Variants in SASH1 observed in about 807,000 individuals in gnomAD.
SASH1 encodes SAM and SH3 domain-containing protein 1.
Under a neutral mutation model 125.2 loss-of-function variants are expected in SASH1, and 44 were observed. The observed-to-expected ratio is 0.35, with a 90% CI of 0.28 to 0.45. The LOEUF (loss-of-function observed/expected upper bound fraction) is 0.45. Ranked by LOEUF, SASH1 falls within the 20% of genes least tolerant of loss-of-function variation. SASH1 has a pLI of 1.00. For synonymous variants in SASH1, 639 were observed against 649.1 expected, an observed-to-expected ratio of 0.98 and a Z score of 0.24; for missense variants, 1,426 against 1,614.5, an observed-to-expected ratio of 0.88 and a Z score of 2.00.
rs760496406 is a variant in SASH1, at chr6:148,544,052, C to T, written c.2582C>T (p.Pro861Leu). 6.2e-7 allele frequency: 1 copy of T among 1,614,106 alleles called. No individual in the cohort carries two copies. Among genetic ancestry groups the T allele is most frequent in the South Asian group, 1.1e-5 (1 of 91,078 alleles). The stretch of plus-strand genomic sequence containing the variant: ...GTGCCTACCGAGGTGACAGAACCGC[C>T]CCCTCAGATTGTACCTGAAGTGCCA... ...QDVPTEVTEP[P>L]PQIVPEVPQK... The change falls in exon 18 of 20, where the codon CCC becomes CTC. Residue 861 changes from proline (P) to leucine (L), a missense_variant. Around this residue, in one of 3 missense-constraint regions of SASH1, gnomAD observed 634 missense variants for 694.4 expected, o/e 0.91. Coordinates refer to ENST00000367467, the MANE Select transcript of SASH1 (RefSeq NM_015278.5). This position sits in a 1 kb window ranked among gnomAD's most constrained non-coding sequence, Gnocchi z 6.4.
chr6:148,310,088 G>A (rs11968912), intron 1 of SASH1, among the ~76,000 whole-genome samples: 39,065 of 152,016 alleles, frequency 0.26, 5,194 homozygotes, highest in South Asian at 0.35. Context: ...TTGGGAAGCC[G>A]AGGAGGGTGG....
chr6:148,478,787 C>T lies in SASH1; in HGVS notation c.627+4565C>T, dbSNP rs80352518. The T allele has an allele frequency of 1.4e-3, 210 of 154,520 alleles. 4 individuals are homozygous for T. In the East Asian group the frequency reaches 0.028, roughly 20 times the overall value. The allele number at this position is 154,520 out of a possible 1,614,324, so 9.6% of individuals were successfully genotyped here. A position where few individuals can be genotyped will look rare whatever the true frequency, so the allele number is the denominator to read the frequency against. ...AGCCTCCTGTCCATGCTGCTCATCT[C>T]CTGCGCCTTCATTCTCAGCCTGGTC... On this transcript the variant is annotated intron_variant, in intron 7 of 19. Coordinates refer to ENST00000367467, the MANE Select transcript of SASH1 (RefSeq NM_015278.5).
In SASH1 at chr6:148,389,001, T is replaced by C. The variant is rs1020350400; in HGVS notation, c.157-1133T>C. ...GGAGGAGAGGAGAGGTCTTTCTGAATGAATTGATAGAAGAAATGGCATAAC... is the reference window on the plus strand; with the variant it reads ...GGAGGAGAGGAGAGGTCTTTCTGAACGAATTGATAGAAGAAATGGCATAAC... On this transcript the variant is annotated intron_variant, in intron 1 of 19. Transcript: ENST00000367467. 7.2e-5 allele frequency among the ~76,000 whole-genome samples: 11 copies of C among 151,802 alleles called. No homozygotes were observed. The South Asian group carries it at 2.3e-3, about 32-fold the overall frequency.
At chr6:148,240,256 T>C in the SASH1 span, among the ~76,000 whole-genome samples, 1 of 151,836 alleles carries the variant, frequency 6.6e-6, no homozygotes, top group Non-Finnish European at 1.5e-5. Flanking sequence ...CCCCACACAG[T>C]GTTGATCAAC....
rs1480512576 is a variant in SASH1, at chr6:148,532,679, C to T, written c.1565-118C>T. The T allele has an allele frequency of 8.1e-7, 1 of 1,236,044 alleles. No homozygotes were observed. The highest frequency in any genetic ancestry group is 1.1e-6 in the Non-Finnish European group (1 of 871,690). 76.6% of individuals were successfully genotyped at this position (1,236,044 alleles called of 1,614,324 possible). ...CCCTGGTCCTGACAGAGGGTTGTGG[C>T]TCAAGGCTTCCTTTCTCTGGGCCTT... On this transcript the variant is annotated intron_variant, in intron 13 of 19. Coordinates refer to ENST00000367467, the MANE Select transcript of SASH1 (RefSeq NM_015278.5). The surrounding 1 kb of genome is among the most constrained non-coding windows in gnomAD (Gnocchi z 4.7).
In SASH1 at chr6:148,493,016, A is replaced by G. The variant is rs1779173805; in HGVS notation, c.729+5301A>G. On this transcript the variant is annotated intron_variant, in intron 8 of 19. Coordinates refer to ENST00000367467, the MANE Select transcript of SASH1 (RefSeq NM_015278.5). ...TTAGACCTAGGGCCAGAAATACCAT[A>G]TGCTTCCTCCTCTCAGAGCACGGTC... is the stretch of plus-strand genomic sequence containing the variant. Among the ~76,000 whole-genome samples, 3 of 152,160 alleles carry G rather than the reference A, an allele frequency of 2.0e-5. No homozygotes were observed. The East Asian group carries it at 5.8e-4, about 29-fold the overall frequency.
intron 2 of SASH1, among the ~76,000 whole-genome samples, chr6:148,394,267 G>A (rs1038147343): frequency 6.6e-6 from 1 of 152,128 alleles, no homozygotes; most frequent in Non-Finnish European, 1.5e-5. Context: ...CAAGGATCGG[G>A]TTTAGGTGCT....
chr6:148,450,630 CG>C (rs756320642), intron 4 of SASH1, among the ~76,000 whole-genome samples: 9 of 151,528 alleles, frequency 5.9e-5, no homozygotes, highest in Non-Finnish European at 1.2e-4. Flanking sequence ...ATCATCATAA[CG>C]TGGCTTCTCG....
At chr6:148,198,474 G>A in the SASH1 span, among the ~76,000 whole-genome samples, 8 of 152,274 alleles carry the variant, frequency 5.3e-5, no homozygotes, top group African/African-American at 1.9e-4. Context: ...GCATACTTCA[G>A]GTCAAGATGA....
chr6:148,224,826 T>C, the SASH1 span, among the ~76,000 whole-genome samples: 1 of 152,336 alleles, frequency 6.6e-6, no homozygotes, highest in African/African-American at 2.4e-5. Context: ...TCTAAGCAAT[T>C]ATGAACCAAC....
At chr6:148,394,108 G>A (rs1783848210) in intron 2 of SASH1, among the ~76,000 whole-genome samples, 1 of 151,940 alleles carries the variant, frequency 6.6e-6, no homozygotes, top group Non-Finnish European at 1.5e-5. Context: ...GGCTAGGGTG[G>A]CCTCGAACTC....
At chr6:148,370,849 A>C (rs1435939144) in intron 1 of SASH1, among the ~76,000 whole-genome samples, 1 of 152,214 alleles carries the variant, frequency 6.6e-6, no homozygotes, top group East Asian at 1.9e-4. Flanking sequence ...AAACAAAAAA[A>C]CCCTACAAAA....
intron 1 of SASH1, among the ~76,000 whole-genome samples, chr6:148,355,876 A>G (rs1781910195): frequency 6.6e-6 from 1 of 152,126 alleles, no homozygotes; most frequent in African/African-American, 2.4e-5. Context: ...ATACAGGTTA[A>G]AAAAATTTCA....
rs747220260 is a variant in SASH1, at chr6:148,519,834, G to T, written c.1150G>T (p.Val384Leu). The change falls in exon 10 of 20, where the codon GTG becomes TTG. Residue 384 changes from valine to leucine, a missense_variant. Transcript: ENST00000367467. This position sits in a 1 kb window ranked among gnomAD's most constrained non-coding sequence, Gnocchi z 4.8. The stretch of plus-strand genomic sequence containing the variant: ...CCCAGAAGAAGAAAAGGCCCAGAAA[G>T]TGTCCCGCTCCCTCACCGAGGGGGA... ...SYPEEEKAQK[V>L]SRSLTEGEMK... 6.2e-7 allele frequency: 1 copy of T among 1,611,036 alleles called. No individual in the cohort carries two copies. Among genetic ancestry groups the T allele is most frequent in the Non-Finnish European group, 8.5e-7 (1 of 1,178,806 alleles).
At chr6:148,216,619 A>G in the SASH1 span, among the ~76,000 whole-genome samples, 1 of 152,214 alleles carries the variant, frequency 6.6e-6, no homozygotes, top group African/African-American at 2.4e-5. Flanking sequence ...AGGTCCGTCC[A>G]GCCCTGAATG....
At chr6:148,542,851 AGTGTGT>A (rs56094441) in intron 17 of SASH1, among the ~76,000 whole-genome samples, 80 of 149,348 alleles carry the variant, frequency 5.4e-4, no homozygotes, top group East Asian at 7.9e-4. Context: ...AACAAGGGAC[AGTGTGT>A]GTGTGTGTGT....
Position 148,487,598 on chromosome 6 carries a change from T to C in SASH1, c.628-16T>C, listed in dbSNP as rs1402157694. 9 of 1,600,658 alleles carry C rather than the reference T, an allele frequency of 5.6e-6. 1 individual carries two copies. The South Asian group carries it at 1.0e-4, about 18-fold the overall frequency. ...GCCATTCTTTCCATTTCAGTATCCA[T>C]TTCTTCTTGTTACAGCTCAAGGAAT... On this transcript the variant is annotated splice_polypyrimidine_tract_variant and intron_variant, in intron 7 of 19. Transcript: ENST00000367467.
At chr6:148,360,645 C>CG (rs1045984951) in intron 1 of SASH1, among the ~76,000 whole-genome samples, 3 of 78,920 alleles carry the variant, frequency 3.8e-5, no homozygotes, top group Admixed American at 3.1e-4. Context: ...CACCCCCCCG[C>CG]CAGGCTTTAA....
chr6:148,511,929 T>G (rs1780161205), intron 8 of SASH1, among the ~76,000 whole-genome samples: 1 of 152,154 alleles, frequency 6.6e-6, no homozygotes, highest in Admixed American at 6.5e-5. Context: ...CATCAGTAAT[T>G]TTCATCCTGT....
Sources: allele counts gnomAD v4.1 joint callset (sites outside exome capture counted in the v4.1 genomes callset), GRCh38; gene constraint gnomAD v4.1.1; regional missense constraint gnomAD v4.1.1; non-coding constraint Gnocchi (gnomAD v3.1); transcripts MANE v1.5; gene names NCBI Gene and HGNC (gene_info 2026-07-23, HGNC 2026-07-21).